The following CCDC77 variants were observed in gnomAD, a reference collection of about 807,000 sequenced individuals.
The protein encoded by CCDC77 is coiled-coil domain containing 77, also known as coiled-coil domain-containing protein 77.
A neutral mutation model predicts 66.8 loss-of-function variants in CCDC77; 56 were observed. That is an observed-to-expected ratio of 0.84 (90% CI 0.68 to 1.05). CCDC77 has a LOEUF of 1.05. CCDC77 is among the 50% of genes least tolerant of loss of function. The pLI, the probability that CCDC77 is intolerant of heterozygous loss-of-function variation, is 0.00. For missense variants in CCDC77, 570 were observed against 576.8 expected, an observed-to-expected ratio of 0.99 and a Z score of 0.12; for synonymous variants, 196 against 195.2, an observed-to-expected ratio of 1.00 and a Z score of -0.03.
At chr12:418,681 ACATTCATTCATTCATT>A (rs113437345) in intron 5 of CCDC77, 45 bp downstream of exon 5, 11 of 1,544,144 alleles carry the variant, frequency 7.1e-6, no homozygotes, top group Middle Eastern at 1.7e-4. Context: ...ACTTTAAATT[ACATTCATTCATTCATT>A]CATTCATTCA....
chr12:415,378 A>ATAATATTACGTTAATATAATTAACG (rs984622119), intron 4 of CCDC77, among the ~76,000 whole-genome samples: 1 of 107,616 alleles, frequency 9.3e-6, no homozygotes, highest in South Asian at 3.3e-4. Flanking sequence ...TATAATCAAC[A>ATAATATTACGTTAATATAATTAACG]TAATATTATG....
Position 409,371 on chromosome 12 carries a change from T to C in CCDC77, c.-13T>C. The C allele has an allele frequency of 1.1e-5, 18 of 1,612,048 alleles. No homozygotes were observed. The highest frequency in any genetic ancestry group is 1.0e-5 in the Non-Finnish European group (12 of 1,178,804). ...TGAATTTTTGTGTATTTGATAGGTG[T>C]GAAAAAGACAGCATGAACTTTACCC... On this transcript the variant is annotated 5_prime_UTR_variant, in exon 3 of 13. Coordinates refer to ENST00000239830, the MANE Select transcript of CCDC77 (RefSeq NM_032358.4).
intron 1 of CCDC77, chr12:389,545 C>CCGTCGGGG: frequency 6.0e-5 from 2 of 33,248 alleles, no homozygotes; most frequent in South Asian, 2.7e-4. Flanking sequence ...TTGAGGGAAG[C>CCGTCGGGG]CGACGGGGCG....
chr12:440,561 G>C (rs903206508), intron 10 of CCDC77, 56 bp from the exon 11 acceptor site: 1 of 1,588,568 alleles, frequency 6.3e-7, no homozygotes, highest in African/African-American at 1.4e-5. Flanking sequence ...AAAGCTACTT[G>C]AATTACCTGA....
At chr12:407,156 A>G (rs1429395076) in intron 2 of CCDC77, among the ~76,000 whole-genome samples, 1 of 152,198 alleles carries the variant, frequency 6.6e-6, no homozygotes, top group African/African-American at 2.4e-5. Context: ...AACAAAAGCA[A>G]AAACAGTGGA....
chr12:419,633 C>T (rs11062881), intron 5 of CCDC77, among the ~76,000 whole-genome samples: 372 of 33,280 alleles, frequency 0.011, no homozygotes, highest in Middle Eastern at 0.014. Context: ...ACCCTCCATG[C>T]TCCATTACAG....
chr12:418,459 T>C, intron 4 of CCDC77, 35 bp from the exon 5 acceptor site: 2 of 1,608,036 alleles, frequency 1.2e-6, no homozygotes, highest in Non-Finnish European at 1.7e-6. Context: ...TGAAACCCAG[T>C]GTCTTTCAAC....
At chr12:395,539 GA>G (rs1319721092) in intron 1 of CCDC77, among the ~76,000 whole-genome samples, 1 of 151,022 alleles carries the variant, frequency 6.6e-6, no homozygotes, top group Non-Finnish European at 1.5e-5. Flanking sequence ...ACCAACTACA[GA>G]AAATATTTGG....
chr12:427,950 C>G (rs535041941), intron 5 of CCDC77, among the ~76,000 whole-genome samples: 9 of 152,292 alleles, frequency 5.9e-5, no homozygotes, highest in African/African-American at 2.2e-4. Context: ...CGATAGGGAT[C>G]TCTGAAGCTG....
intron 4 of CCDC77, among the ~76,000 whole-genome samples, chr12:413,483 C>A (rs1945156814): frequency 6.6e-6 from 1 of 152,080 alleles, no homozygotes; most frequent in African/African-American, 2.4e-5. Context: ...TCGTGATCCA[C>A]CCGCCTCGGC....
rs553121739 is a variant in CCDC77 at position 415,173 on chromosome 12, G to C, written c.270+3195G>C. On this transcript the variant is annotated intron_variant, in intron 4 of 12. Coordinates refer to ENST00000239830, the MANE Select transcript of CCDC77 (RefSeq NM_032358.4). ...CGTGCCCAGCCTAATTGTTTTTGTA[G>C]ATTCTACAAAAAAAGTGTTTCCAAC... Among the ~76,000 whole-genome samples the C allele has an allele frequency of 9.4e-4, 143 of 151,620 alleles. 1 individual carries two copies. The highest frequency in any genetic ancestry group is 3.3e-3 in the African/African-American group (135 of 41,358).
chr12:438,232 A>G (rs1247763295), intron 9 of CCDC77, 103 bp from the exon 10 acceptor site: 1 of 787,480 alleles, frequency 1.3e-6, no homozygotes, highest in Admixed American at 2.9e-5. Context: ...TTTATATATC[A>G]CACCATTTTA....
chr12:428,981 C>T, intron 6 of CCDC77, 116 bp downstream of exon 6: 1 of 596,726 alleles, frequency 1.7e-6, no homozygotes, highest in Non-Finnish European at 2.9e-6. Flanking sequence ...TTAGCCATCA[C>T]AGTGCCTTGT....
rs141705822 is a variant in CCDC77 at position 393,412 on chromosome 12, G to T, written c.-113+3926G>T. Among the ~76,000 whole-genome samples the T allele has an allele frequency of 1.1e-3, 169 of 152,022 alleles. 1 individual carries two copies. Among genetic ancestry groups the T allele is most frequent in the African/African-American group, 3.7e-3 (155 of 41,510 alleles). On this transcript the variant is annotated intron_variant, in intron 1 of 11. Transcript: ENST00000422000. ...ACAGGCATGAGCCACCATACGTAGT[G>T]CAGAGAAGCATTTTAATAACCTTCT... is the stretch of plus-strand genomic sequence containing the variant.
At chr12:398,846 G>C (rs1354868631), upstream of CCDC77, among the ~76,000 whole-genome samples, 1 of 151,716 alleles carries the variant, frequency 6.6e-6, no homozygotes, top group Admixed American at 6.6e-5. Flanking sequence ...TGCAACCTTG[G>C]TCTCCCAGGC....
intron 9 of CCDC77, among the ~76,000 whole-genome samples, chr12:435,518 T>C (rs1168237917): frequency 1.3e-5 from 2 of 152,236 alleles, no homozygotes; most frequent in Non-Finnish European, 2.9e-5. Flanking sequence ...CTCTCTGATA[T>C]AGGCAGTTCT....
intron 8 of CCDC77, 138 bp from the exon 9 acceptor site, chr12:433,031 TTGAAA>T: frequency 1.1e-6 from 1 of 949,410 alleles, no homozygotes; most frequent in Non-Finnish European, 1.6e-6. Flanking sequence ...AGACCTTGTC[TTGAAA>T]TGAACAAGAG....
intron 3 of CCDC77, among the ~76,000 whole-genome samples, chr12:410,898 T>C (rs190853835): frequency 1.2e-4 from 18 of 152,328 alleles, no homozygotes; most frequent in African/African-American, 4.1e-4. Flanking sequence ...ATGGTCTCCC[T>C]TAGTTTATAT....
intron 1 of CCDC77, among the ~76,000 whole-genome samples, chr12:395,479 C>T (rs976233998): frequency 2.6e-5 from 4 of 152,092 alleles, no homozygotes; most frequent in African/African-American, 9.7e-5. Context: ...TACAGCTAGC[C>T]TTCCATATAT....
Sources: gnomAD v4.1 joint callset for allele counts (sites outside exome capture counted in the v4.1 genomes callset) on GRCh38, gnomAD v4.1.1 for gene constraint, MANE v1.5 for transcripts, NCBI Gene and HGNC (gene_info 2026-07-23, HGNC 2026-07-21) for gene names.